The following SCD5 variants were observed in gnomAD, a reference collection of about 807,000 sequenced individuals.
SCD5 encodes the protein acyl-CoA-desaturase 4.
Under a neutral mutation model 30.4 loss-of-function variants are expected in SCD5, and 20 were observed. The ratio of observed to expected loss-of-function variants is 0.66; its 90% CI spans 0.46 to 0.96. The LOEUF is 0.96. Among genes scored for constraint, SCD5 ranks in the 40% least tolerant of loss-of-function variants. SCD5 has a pLI of 0.00. For synonymous variants in SCD5, 173 were observed against 176.4 expected, an observed-to-expected ratio of 0.98 and a Z score of 0.16; for missense variants, 381 against 443.3, an observed-to-expected ratio of 0.86 and a Z score of 1.26.
chr4:82,660,980 G>A (rs751438401), intron 3 of SCD5: 1 of 1,614,176 alleles, frequency 6.2e-7, no homozygotes, highest in East Asian at 2.2e-5. Flanking sequence ...AATCCGGGAA[G>A]GGTGACTTTC....
intron 3 of SCD5, among the ~76,000 whole-genome samples, chr4:82,662,089 GTCAC>G (rs1304530596): frequency 6.6e-6 from 1 of 152,176 alleles, no homozygotes; most frequent in African/African-American, 2.4e-5. Context: ...GTCTCCCTGT[GTCAC>G]TCACTCAGGC....
chr4:82,712,283 TATATATATA>T (rs1720121032), intron 1 of SCD5, among the ~76,000 whole-genome samples: 2 of 48,374 alleles, frequency 4.1e-5, no homozygotes, highest in Non-Finnish European at 7.3e-5. Flanking sequence ...TATATATATA[TATATATATA>T]TATATTTTAT....
At chr4:82,704,508 T>C (rs140930882) in intron 2 of SCD5, among the ~76,000 whole-genome samples, 98 of 152,332 alleles carry the variant, frequency 6.4e-4, no homozygotes, top group African/African-American at 2.3e-3. Context: ...GGTCTAGGAC[T>C]GGGATAGTCT....
intron 3 of SCD5, among the ~76,000 whole-genome samples, chr4:82,649,832 G>C (rs1428239616): frequency 6.6e-6 from 1 of 152,146 alleles, no homozygotes; most frequent in African/African-American, 2.4e-5. Flanking sequence ...TTTGTAGGTA[G>C]TTCTCTCCCT....
chr4:82,725,310 A>C (rs1481863267), intron 1 of SCD5, among the ~76,000 whole-genome samples: 1 of 152,128 alleles, frequency 6.6e-6, no homozygotes, highest in African/African-American at 2.4e-5. Flanking sequence ...TTTGAATGTG[A>C]ATTCAGTTCA....
chr4:82,645,813 A>T (rs1464207793), intron 3 of SCD5, among the ~76,000 whole-genome samples: 1 of 152,228 alleles, frequency 6.6e-6, no homozygotes, highest in Non-Finnish European at 1.5e-5. Context: ...GAAACAAAAA[A>T]TGTATTTTGT....
chr4:82,652,539 A>T (rs1727779037), intron 3 of SCD5, among the ~76,000 whole-genome samples: 1 of 152,200 alleles, frequency 6.6e-6, no homozygotes, highest in Non-Finnish European at 1.5e-5. Flanking sequence ...TACTAAGTCA[A>T]CTTCTCAGAG....
intron 4 of SCD5, among the ~76,000 whole-genome samples, chr4:82,634,573 G>T (rs562248976): frequency 6.6e-6 from 1 of 152,248 alleles, no homozygotes; most frequent in East Asian, 1.9e-4. Context: ...CAGACATTAT[G>T]ATGTACTCCC....
At chr4:82,743,441 AG>A (rs2148839731) in intron 1 of SCD5, among the ~76,000 whole-genome samples, 1 of 152,304 alleles carries the variant, frequency 6.6e-6, no homozygotes, top group African/African-American at 2.4e-5. Context: ...TCTTGAGCCC[AG>A]GAGGTCAAGG....
chr4:82,667,632 T>C lies in SCD5; in HGVS notation c.569+13075A>G, dbSNP rs538454272. On this transcript the variant is annotated intron_variant, in intron 3 of 4. Coordinates refer to ENST00000319540, the MANE Select transcript of SCD5 (RefSeq NM_001037582.3). ...TTTTCCATTTACTTTTAACAAAAGGTATCGAATTAAACACAGTTCACACCT... is the reference window on the plus strand; with the variant it reads ...TTTTCCATTTACTTTTAACAAAAGGCATCGAATTAAACACAGTTCACACCT... Among the ~76,000 whole-genome samples the C allele has an allele frequency of 2.6e-5, 4 of 152,346 alleles. No individual in the cohort carries two copies. The South Asian group carries it at 6.2e-4, about 24-fold the overall frequency.
intron 1 of SCD5, among the ~76,000 whole-genome samples, chr4:82,712,003 T>C (rs1047639621): frequency 4.6e-5 from 7 of 151,548 alleles, no homozygotes; most frequent in Admixed American, 3.3e-4. Context: ...AGAGCTACCA[T>C]TGACTGAGAG....
intron 3 of SCD5, among the ~76,000 whole-genome samples, chr4:82,649,120 G>A (rs1727691211): frequency 6.6e-6 from 1 of 151,676 alleles, no homozygotes; most frequent in African/African-American, 2.4e-5. Context: ...TGAACTTAAT[G>A]ACATTGTTAT....
chr4:82,666,460 G>A (rs1728191603), intron 3 of SCD5, among the ~76,000 whole-genome samples: 1 of 151,644 alleles, frequency 6.6e-6, no homozygotes. Flanking sequence ...AGCTTGCAGT[G>A]AGCCGGATCG....
At chr4:82,709,496 T>G (rs931128713) in intron 1 of SCD5, among the ~76,000 whole-genome samples, 1 of 152,300 alleles carries the variant, frequency 6.6e-6, no homozygotes, top group Non-Finnish European at 1.5e-5. Flanking sequence ...GTGGATAATT[T>G]AGTTTGGGGG....
intron 1 of SCD5, among the ~76,000 whole-genome samples, chr4:82,787,852 G>T (rs1337224218): frequency 6.6e-6 from 1 of 152,102 alleles, no homozygotes; most frequent in African/African-American, 2.4e-5. Context: ...AACATAAAAA[G>T]ACCCTCATTC....
At chr4:82,663,728 A>G (rs1728076200) in intron 3 of SCD5, among the ~76,000 whole-genome samples, 1 of 152,208 alleles carries the variant, frequency 6.6e-6, no homozygotes. Context: ...GCAAAAGTAT[A>G]TTGCTCTGGG....
At chr4:82,783,068 G>A (rs554866776) in intron 1 of SCD5, among the ~76,000 whole-genome samples, 5 of 152,330 alleles carry the variant, frequency 3.3e-5, no homozygotes, top group African/African-American at 4.8e-5. Flanking sequence ...GGCCCCCAGA[G>A]ATACTAATTC....
chr4:82,640,650 TC>T (rs1406745405), intron 3 of SCD5, among the ~76,000 whole-genome samples: 2 of 152,164 alleles, frequency 1.3e-5, no homozygotes, highest in Admixed American at 1.3e-4. Context: ...GTAGGGAGTA[TC>T]CCTTCCTCCT....
rs185746498 is a variant in SCD5 at position 82,671,067 on chromosome 4, T to G, written c.569+9640A>C. 4.2e-4 allele frequency among the ~76,000 whole-genome samples: 64 copies of G among 152,278 alleles called. 1 individual carries two copies. The highest frequency in any genetic ancestry group is 1.4e-3 in the African/African-American group (60 of 41,564). On this transcript the variant is annotated intron_variant, in intron 3 of 4. Transcript: ENST00000319540. ...GGAGAAAGATATACCATTCTTATAA[T>G]AATCAAAAGAAGGTAGGAGTACCTA... is the stretch of plus-strand genomic sequence containing the variant.
Sources: gnomAD v4.1 joint callset for allele counts (sites outside exome capture counted in the v4.1 genomes callset) on GRCh38, gnomAD v4.1.1 for gene constraint, MANE v1.5 for transcripts, NCBI Gene and HGNC (gene_info 2026-07-23, HGNC 2026-07-21) for gene names.